TDRD10: variants seen among roughly 807,000 people sequenced by gnomAD.
The protein encoded by TDRD10 is tudor domain-containing protein 10.
TDRD10 carries 40 observed loss-of-function variants against 48.0 expected under a neutral mutation model. That is an observed-to-expected ratio of 0.83 (90% confidence interval 0.65 to 1.09). TDRD10 has a LOEUF of 1.09. Among genes scored for constraint, TDRD10 ranks in the 50% least tolerant of loss-of-function variants. The probability of loss-of-function intolerance (pLI) is 0.00; values close to 1 mark genes in which losing one functional copy is unlikely to be tolerated. For synonymous variants in TDRD10, 162 were observed against 170.4 expected, an observed-to-expected ratio of 0.95 and a Z score of 0.38; for missense variants, 378 against 434.7, an observed-to-expected ratio of 0.87 and a Z score of 1.16.
chr1:154,547,506 TG>T (rs1381076372), intron 12 of TDRD10, 27 bp downstream of exon 12: 2 of 1,614,118 alleles, frequency 1.2e-6, no homozygotes, highest in Admixed American at 1.7e-5. Flanking sequence ...CTAACTTGGC[TG>T]TTGTCCCTCC....
In TDRD10 at chr1:154,540,507, C is replaced by CCAA. The variant is rs1277105069; in HGVS notation, c.370-1517_370-1516insCAA. 1.2e-4 allele frequency among the ~76,000 whole-genome samples: 13 copies of CCAA among 109,118 alleles called. No homozygotes were observed. In the East Asian group the frequency reaches 3.2e-3, roughly 27 times the overall value. 71.6% of individuals were successfully genotyped at this position (109,118 alleles called of 152,430 possible). A position where few individuals can be genotyped will look rare whatever the true frequency, so the allele number is the denominator to read the frequency against. ...GCAACATGGTGAAACCCCATCTCTA[C>CCAA]AAAAAAAAAAAAAAAAAAAAAAATG... On this transcript the variant is annotated intron_variant, in intron 6 of 12. Coordinates refer to ENST00000368482, the MANE Select transcript of TDRD10 (RefSeq NM_182499.4).
intron 6 of TDRD10, among the ~76,000 whole-genome samples, chr1:154,526,763 A>G (rs1044420326): frequency 7.2e-6 from 1 of 138,612 alleles, no homozygotes; most frequent in African/African-American, 2.7e-5. Context: ...TAATTTTTGT[A>G]TTTTTTGGTA....
intron 6 of TDRD10, among the ~76,000 whole-genome samples, chr1:154,530,200 A>T (rs1257403991): frequency 6.6e-6 from 1 of 151,686 alleles, no homozygotes; most frequent in Non-Finnish European, 1.5e-5. Flanking sequence ...TTTTTCGTAG[A>T]GAGAGGGTTT....
intron 5 of TDRD10, among the ~76,000 whole-genome samples, chr1:154,520,982 G>T (rs1478915030): frequency 6.6e-6 from 1 of 152,128 alleles, no homozygotes; most frequent in African/African-American, 2.4e-5. Context: ...CAAGCGATCC[G>T]CCTGTCTTGG....
rs1259557211 is a variant in TDRD10 at position 154,521,435 on chromosome 1, C to T, written c.325C>T (p.Pro109Ser). 8.7e-6 allele frequency: 14 copies of T among 1,614,056 alleles called. No homozygotes were observed. The highest frequency in any genetic ancestry group is 1.2e-5 in the Non-Finnish European group (14 of 1,180,048). ...GTTCGTGAATACAAGCAAAAGGCCC[C>T]CCAAGAGGACCCCTGATATGATCCA... Reference protein sequence around the residue: ...KLFVNTSKRPPKRTPDMIQQP... With the variant: ...KLFVNTSKRPSKRTPDMIQQP... Residue 109 changes from proline (P) to serine (S), a missense_variant, in exon 6 of 13, where the codon CCC becomes TCC. Physicochemically the swap from Pro to Ser is moderately conservative, Grantham distance 74. Coordinates refer to ENST00000368482, the MANE Select transcript of TDRD10 (RefSeq NM_182499.4).
intron 6 of TDRD10, among the ~76,000 whole-genome samples, chr1:154,531,415 C>T (rs929974189): frequency 1.3e-5 from 2 of 152,186 alleles, no homozygotes; most frequent in Non-Finnish European, 2.9e-5. Context: ...TTTGTTCCTT[C>T]TGATGTTCGG....
intron 6 of TDRD10, among the ~76,000 whole-genome samples, chr1:154,535,281 C>A (rs1407255357): frequency 3.3e-5 from 5 of 151,874 alleles, no homozygotes; most frequent in African/African-American, 9.7e-5. Context: ...GCAGGAGAAT[C>A]CCTGGAACCT....
At chr1:154,547,634 G>A (rs759518730) in intron 12 of TDRD10, 44 bp from the exon 13 acceptor site, 61 of 1,604,746 alleles carry the variant, frequency 3.8e-5, no homozygotes, top group Middle Eastern at 1.7e-4. Context: ...GAACTGGCTC[G>A]GGTGGGCCTT....
intron 5 of TDRD10, 90 bp downstream of exon 5, chr1:154,520,464 C>T: frequency 1.0e-6 from 1 of 969,132 alleles, no homozygotes. Context: ...CAGACTAGCC[C>T]AGCAACCGCC....
At chr1:154,508,283 G>T in intron 3 of TDRD10, 140 bp from the exon 4 acceptor site, 1 of 672,286 alleles carries the variant, frequency 1.5e-6, no homozygotes, top group Non-Finnish European at 2.7e-6. Context: ...GGGAGACTGA[G>T]GTAGGAGGAT....
At chr1:154,543,719 C>T (rs1695379527) in intron 8 of TDRD10, among the ~76,000 whole-genome samples, 1 of 152,174 alleles carries the variant, frequency 6.6e-6, no homozygotes, top group Non-Finnish European at 1.5e-5. Flanking sequence ...TCTGCTGCTT[C>T]CTTTTCCTGA....
intron 1 of TDRD10, among the ~76,000 whole-genome samples, chr1:154,504,305 T>G (rs1255336824): frequency 1.3e-5 from 2 of 152,266 alleles, no homozygotes; most frequent in African/African-American, 4.8e-5. Context: ...ACTTTTTGGC[T>G]ATTATAAGCA....
intron 6 of TDRD10, among the ~76,000 whole-genome samples, chr1:154,536,202 C>T (rs934570476): frequency 1.3e-4 from 20 of 152,242 alleles, no homozygotes; most frequent in African/African-American, 4.3e-4. Context: ...ATGGTGAAAC[C>T]CCGTCTCTAC....
chr1:154,520,544 C>T (rs1694003647), intron 5 of TDRD10, among the ~76,000 whole-genome samples, 170 bp downstream of exon 5: 1 of 152,166 alleles, frequency 6.6e-6, no homozygotes, highest in Non-Finnish European at 1.5e-5. Flanking sequence ...AACCCTGTGA[C>T]CCAGCAGCGA....
chr1:154,538,012 C>T (rs930692326), intron 6 of TDRD10, among the ~76,000 whole-genome samples: 2 of 152,242 alleles, frequency 1.3e-5, no homozygotes, highest in African/African-American at 2.4e-5. Flanking sequence ...ATTACAGACA[C>T]GTCGGAAATT....
At chr1:154,504,088 A>G (rs899327173) in intron 1 of TDRD10, among the ~76,000 whole-genome samples, 1 of 152,190 alleles carries the variant, frequency 6.6e-6, no homozygotes. Context: ...CTTTCTGTCT[A>G]TATAGATTTG....
At chr1:154,508,098 A>G (rs762534844) in intron 3 of TDRD10, among the ~76,000 whole-genome samples, 8 of 152,174 alleles carry the variant, frequency 5.3e-5, no homozygotes, top group African/African-American at 1.9e-4. Context: ...AGCACTTCCC[A>G]TGGACCACTT....
At chr1:154,525,895 C>CAAAAA (rs59844127) in intron 6 of TDRD10, among the ~76,000 whole-genome samples, 1 of 52,978 alleles carries the variant, frequency 1.9e-5, no homozygotes, top group Non-Finnish European at 3.4e-5. Flanking sequence ...GATTCCGTCT[C>CAAAAA]AAAAAAAAAA....
intron 6 of TDRD10, among the ~76,000 whole-genome samples, chr1:154,532,978 C>A (rs553077000): frequency 4.6e-5 from 7 of 151,666 alleles, no homozygotes; most frequent in Admixed American, 6.6e-5. Flanking sequence ...ACACCCCCCC[C>A]AGTAGGGAGA....
Sources: gnomAD v4.1 joint callset for allele counts (sites outside exome capture counted in the v4.1 genomes callset) on GRCh38, gnomAD v4.1.1 for gene constraint, MANE v1.5 for transcripts, NCBI Gene and HGNC (gene_info 2026-07-23, HGNC 2026-07-21) for gene names.